GDA: variants seen among roughly 807,000 people sequenced by gnomAD.
The protein encoded by GDA is cytoplasmic PSD-95 interactor.
In GDA, 18 loss-of-function variants were observed where a neutral mutation model predicts 59.6. The ratio of observed to expected loss-of-function variants is 0.30; its 90% CI spans 0.21 to 0.45. The LOEUF is 0.45. GDA is among the 20% of genes least tolerant of loss of function. The probability of loss-of-function intolerance (pLI) is 1.00; values close to 1 mark genes in which losing one functional copy is unlikely to be tolerated. For missense variants in GDA, 427 were observed against 552.3 expected, an observed-to-expected ratio of 0.77 and a Z score of 2.27; for synonymous variants, 201 against 201.1, an observed-to-expected ratio of 1.00 and a Z score of 0.00.
intron 8 of GDA, 29 bp from the exon 9 acceptor site, chr9:72,227,914 A>T (rs950236644): frequency 2.5e-6 from 3 of 1,217,274 alleles, no homozygotes; most frequent in Non-Finnish European, 3.7e-6. Flanking sequence ...GTGAGCGGTA[A>T]ACTCCACGTA....
chr9:72,116,386 CTT>C (rs201791483), intron 1 of GDA, among the ~76,000 whole-genome samples: 31 of 128,288 alleles, frequency 2.4e-4, no homozygotes, highest in Admixed American at 5.8e-4. Flanking sequence ...TTTCCCCAGC[CTT>C]TTTTTTTTTT....
chr9:72,127,364 C>G (rs764942897), intron 1 of GDA, among the ~76,000 whole-genome samples: 1 of 151,992 alleles, frequency 6.6e-6, no homozygotes, highest in African/African-American at 2.4e-5. Flanking sequence ...CTGGGCTGGG[C>G]GCGGTGGCTC....
chr9:72,204,444 T>G (rs1410606103), intron 3 of GDA, among the ~76,000 whole-genome samples: 5 of 152,108 alleles, frequency 3.3e-5, no homozygotes, highest in Admixed American at 6.6e-5. Flanking sequence ...GAAAACAATG[T>G]CTACTGTGGG....
At chr9:72,141,415 T>A (rs994235709) in intron 1 of GDA, among the ~76,000 whole-genome samples, 1 of 152,204 alleles carries the variant, frequency 6.6e-6, no homozygotes, top group Non-Finnish European at 1.5e-5. Context: ...CAAATAAGTT[T>A]AATTTTACCT....
chr9:72,136,281 A>C (rs1826222784), intron 1 of GDA, among the ~76,000 whole-genome samples: 1 of 152,192 alleles, frequency 6.6e-6, no homozygotes, highest in South Asian at 2.1e-4. Context: ...AGGCTACAGA[A>C]ATGTTAAATA....
At chr9:72,218,980 A>G (rs886762687) in intron 5 of GDA, among the ~76,000 whole-genome samples, 7 of 152,230 alleles carry the variant, frequency 4.6e-5, no homozygotes, top group African/African-American at 1.7e-4. Context: ...TCTGGCTGCA[A>G]GTAAAAAAGC....
At chr9:72,159,618 A>G (rs889428060) in intron 1 of GDA, among the ~76,000 whole-genome samples, 1 of 152,222 alleles carries the variant, frequency 6.6e-6, no homozygotes, top group Non-Finnish European at 1.5e-5. Context: ...AAGATTCTCC[A>G]GAAGCTTAAA....
Position 72,249,110 on chromosome 9 carries a change from A to G in GDA, c.*768A>G. On this transcript the variant is annotated 3_prime_UTR_variant, in exon 14 of 14. Transcript: ENST00000358399. ...GTAACTCCATGGCATAAATAGTTGTATTTTTGTGTACTTTAAAATCAACTT... is the reference window on the plus strand; with the variant it reads ...GTAACTCCATGGCATAAATAGTTGTGTTTTTGTGTACTTTAAAATCAACTT... 5.1e-6 allele frequency: 5 copies of G among 975,764 alleles called. No homozygotes were observed. The highest frequency in any genetic ancestry group is 1.2e-6 in the Non-Finnish European group (1 of 820,774). 60.4% of individuals were successfully genotyped at this position (975,764 alleles called of 1,614,324 possible). A position where few individuals can be genotyped will look rare whatever the true frequency, so the allele number is the denominator to read the frequency against.
At chr9:72,254,139 GA>G (rs948535737), downstream of GDA, among the ~76,000 whole-genome samples, 86 of 152,190 alleles carry the variant, frequency 5.7e-4, no homozygotes, top group African/African-American at 2.0e-3. Flanking sequence ...GGATAAAAGG[GA>G]GATGTTCTCT....
intron 1 of GDA, among the ~76,000 whole-genome samples, chr9:72,186,577 A>G (rs1831885736): frequency 6.6e-6 from 1 of 152,204 alleles, no homozygotes; most frequent in Non-Finnish European, 1.5e-5. Context: ...AGTCTCTGGA[A>G]TAATCCTGAG....
chr9:72,151,535 AAG>A (rs2130727058), intron 1 of GDA, among the ~76,000 whole-genome samples: 1 of 152,342 alleles, frequency 6.6e-6, no homozygotes, highest in South Asian at 2.1e-4. Context: ...AGGTTCAAAA[AAG>A]AAAATAATAC....
At chr9:72,194,942 A>G (rs954758433) in intron 1 of GDA, among the ~76,000 whole-genome samples, 1 of 152,098 alleles carries the variant, frequency 6.6e-6, no homozygotes, top group African/African-American at 2.4e-5. Flanking sequence ...CATAATTGCT[A>G]TGCTCTCCTT....
At chr9:72,173,394 G>A (rs1353148365) in intron 1 of GDA, among the ~76,000 whole-genome samples, 2 of 149,604 alleles carry the variant, frequency 1.3e-5, no homozygotes, top group African/African-American at 2.5e-5. Flanking sequence ...GCAATGGTGC[G>A]ATCTCAGCTC....
intron 1 of GDA, among the ~76,000 whole-genome samples, chr9:72,193,096 T>C (rs550044762): frequency 3.3e-5 from 5 of 152,380 alleles, no homozygotes; most frequent in Admixed American, 6.5e-5. Context: ...TCTGAAAGAT[T>C]ACATATCTTT....
chr9:72,205,685 T>C (rs530214667), intron 3 of GDA, among the ~76,000 whole-genome samples: 18 of 152,336 alleles, frequency 1.2e-4, no homozygotes, highest in Admixed American at 2.6e-4. Flanking sequence ...CTGCTGTGAT[T>C]GGCTGAGACT....
chr9:72,250,129 C>T lies in GDA; in HGVS notation c.*1787C>T. 2.0e-6 allele frequency: 2 copies of T among 985,058 alleles called. No homozygotes were observed. The highest frequency in any genetic ancestry group is 2.4e-6 in the Non-Finnish European group (2 of 829,606). 61.0% of individuals were successfully genotyped at this position (985,058 alleles called of 1,614,324 possible). Reference sequence around the variant, plus strand: ...CCTTGCCAAATTTCTCCCCATTTCTCTACGGGGCTAGCAAAAATCTTCAGC... The same window carrying T: ...CCTTGCCAAATTTCTCCCCATTTCTTTACGGGGCTAGCAAAAATCTTCAGC... On this transcript the variant is annotated 3_prime_UTR_variant, in exon 14 of 14. Transcript: ENST00000358399.
At chr9:72,222,096 A>T (rs1371914349) in intron 6 of GDA, among the ~76,000 whole-genome samples, 1 of 152,206 alleles carries the variant, frequency 6.6e-6, no homozygotes, top group African/African-American at 2.4e-5. Flanking sequence ...TGTTGAGTCA[A>T]ATGGTATTTC....
At chr9:72,190,506 C>T (rs1832401760) in intron 1 of GDA, among the ~76,000 whole-genome samples, 2 of 152,238 alleles carry the variant, frequency 1.3e-5, no homozygotes, top group Admixed American at 6.5e-5. Flanking sequence ...TGTTAGTTAA[C>T]TTTATGTTGA....
At chr9:72,243,914 G>A (rs182106434) in intron 11 of GDA, among the ~76,000 whole-genome samples, 3 of 152,262 alleles carry the variant, frequency 2.0e-5, no homozygotes, top group East Asian at 1.9e-4. Context: ...AGTGGCTCAC[G>A]CCTGTAATCC....
Sources: gnomAD v4.1 joint callset for allele counts (sites outside exome capture counted in the v4.1 genomes callset) on GRCh38, gnomAD v4.1.1 for gene constraint, MANE v1.5 for transcripts, NCBI Gene and HGNC (gene_info 2026-07-23, HGNC 2026-07-21) for gene names.